DDAH1: variants seen among roughly 807,000 people sequenced by gnomAD.
The protein encoded by DDAH1 is N(G),N(G)-dimethylarginine dimethylaminohydrolase 1.
A neutral mutation model predicts 28.8 loss-of-function variants in DDAH1; 19 were observed. The observed-to-expected ratio is 0.66, with a 90% CI of 0.46 to 0.97. The LOEUF (loss-of-function observed/expected upper bound fraction) is 0.97, where lower values mean the gene tolerates loss of function less well. Among genes scored for constraint, DDAH1 ranks in the 50% least tolerant of loss-of-function variants. DDAH1 has a pLI of 0.00. For synonymous variants in DDAH1, 153 were observed against 154.4 expected (o/e 0.99, Z 0.07); for missense variants, 326 against 375.9 (o/e 0.87, Z 1.10).
At chr1:85,335,329 G>A (rs1002178435) in intron 4 of DDAH1, among the ~76,000 whole-genome samples, 1 of 152,122 alleles carries the variant, frequency 6.6e-6, no homozygotes, top group Admixed American at 6.5e-5. Context: ...GAGTGGCTGA[G>A]TGGATTAAAA....
chr1:85,440,853 A>G (rs1654158408), intron 1 of DDAH1, among the ~76,000 whole-genome samples: 1 of 139,728 alleles, frequency 7.2e-6, no homozygotes, highest in Admixed American at 6.9e-5. Context: ...TATTTCTTCC[A>G]ACTAAAGCTG....
chr1:85,486,000 C>T (rs1389192503), intron 2 of DDAH1, among the ~76,000 whole-genome samples: 2 of 152,274 alleles, frequency 1.3e-5, no homozygotes, highest in Admixed American at 6.5e-5. Context: ...CTGGAAATTT[C>T]ACACTTTAAA....
At chr1:85,327,248 G>T (rs1477057976) in intron 4 of DDAH1, among the ~76,000 whole-genome samples, 1 of 152,164 alleles carries the variant, frequency 6.6e-6, no homozygotes, top group Non-Finnish European at 1.5e-5. Flanking sequence ...GAGGTGGGAA[G>T]ATCATAGAGG....
intron 1 of DDAH1, among the ~76,000 whole-genome samples, chr1:85,543,270 C>T (rs985888746): frequency 3.9e-5 from 6 of 152,194 alleles, no homozygotes; most frequent in Non-Finnish European, 8.8e-5. Flanking sequence ...ATGTTCAACA[C>T]ATTGAAATTT....
rs377681713 is a variant in DDAH1 at position 85,481,630 on chromosome 1, T to C, written c.-7+14536A>G. ...GTAGTAAGATATAGATCTTTTACCA[T>C]GCAGACTGAAATACCTATGTCTTCA... On this transcript the variant is annotated intron_variant, in intron 2 of 6. Transcript: ENST00000426972. 7.9e-4 allele frequency among the ~76,000 whole-genome samples: 121 copies of C among 152,364 alleles called. 1 individual carries two copies. Among genetic ancestry groups the C allele is most frequent in the African/African-American group, 2.9e-3 (119 of 41,590 alleles).
intron 1 of DDAH1, among the ~76,000 whole-genome samples, chr1:85,447,340 A>C (rs542352006): frequency 1.3e-5 from 2 of 152,204 alleles, no homozygotes; most frequent in Non-Finnish European, 2.9e-5. Context: ...AAACATTTTA[A>C]GTTGAGAAAC....
intron 1 of DDAH1, among the ~76,000 whole-genome samples, chr1:85,450,519 T>C (rs1341030648): frequency 1.3e-5 from 2 of 152,228 alleles, no homozygotes; most frequent in Non-Finnish European, 2.9e-5. Context: ...TCATCAAGAA[T>C]AGGCTAGTTA....
intron 1 of DDAH1, among the ~76,000 whole-genome samples, chr1:85,454,856 T>G (rs901963964): frequency 6.6e-6 from 1 of 152,174 alleles, no homozygotes; most frequent in African/African-American, 2.4e-5. Context: ...TTTCTACATT[T>G]GGGGTGACTT....
At chr1:85,339,422 C>T (rs1315189736) in intron 4 of DDAH1, among the ~76,000 whole-genome samples, 2 of 152,008 alleles carry the variant, frequency 1.3e-5, no homozygotes, top group African/African-American at 4.8e-5. Flanking sequence ...AATATGGGGA[C>T]CCAACAGCAG....
intron 1 of DDAH1, among the ~76,000 whole-genome samples, chr1:85,428,734 T>C (rs1653529909): frequency 6.6e-6 from 1 of 152,130 alleles, no homozygotes; most frequent in South Asian, 2.1e-4. Context: ...CATGCCTGTT[T>C]ACTCCTGCTT....
At chr1:85,544,825 C>T (rs1234384017) in intron 1 of DDAH1, among the ~76,000 whole-genome samples, 2 of 152,104 alleles carry the variant, frequency 1.3e-5, no homozygotes, top group African/African-American at 2.4e-5. Flanking sequence ...GGAAGTTTGC[C>T]CTGGTTGAGG....
intron 1 of DDAH1, among the ~76,000 whole-genome samples, chr1:85,562,183 A>C (rs937392888): frequency 3.3e-5 from 5 of 152,202 alleles, no homozygotes; most frequent in African/African-American, 4.8e-5. Context: ...TTAAAAAAAA[A>C]CAGAAAATAT....
intron 1 of DDAH1, among the ~76,000 whole-genome samples, chr1:85,372,919 G>A (rs1278799804): frequency 2.0e-5 from 3 of 152,050 alleles, no homozygotes; most frequent in East Asian, 1.9e-4. Flanking sequence ...AGGAATGTGC[G>A]TGTTATGAAA....
At position 85,319,112 on chromosome 1, in the gene DDAH1, A is replaced by G. The variant is rs1022745195; in HGVS notation, c.*2340T>C. 2 of 152,214 alleles carry G rather than the reference A, an allele frequency of 1.3e-5. No individual in the cohort carries two copies. Among genetic ancestry groups the G allele is most frequent in the African/African-American group, 4.8e-5 (2 of 41,458 alleles). 9.4% of individuals were successfully genotyped at this position (152,214 alleles called of 1,614,324 possible). A position where few individuals can be genotyped will look rare whatever the true frequency, so the allele number is the denominator to read the frequency against. On this transcript the variant is annotated 3_prime_UTR_variant, in exon 6 of 6. Transcript: ENST00000284031. ...GTGATAGTATCTTTCCTTTTCAAAA[A>G]TAACATTATGCTAATGAGAACATCA... is the stretch of plus-strand genomic sequence containing the variant.
intron 1 of DDAH1, among the ~76,000 whole-genome samples, chr1:85,449,681 G>A (rs1433305832): frequency 6.6e-6 from 1 of 152,088 alleles, no homozygotes; most frequent in Non-Finnish European, 1.5e-5. Flanking sequence ...TATAACACTG[G>A]AAGGGGTCTC....
At chr1:85,403,032 C>T (rs1652222011) in intron 1 of DDAH1, among the ~76,000 whole-genome samples, 1 of 151,778 alleles carries the variant, frequency 6.6e-6, no homozygotes, top group East Asian at 1.9e-4. Context: ...GTGTCTGTTC[C>T]AAGTGATAAG....
At chr1:85,531,264 T>TTAA (rs1248503069) in intron 1 of DDAH1, among the ~76,000 whole-genome samples, 1 of 151,976 alleles carries the variant, frequency 6.6e-6, no homozygotes, top group Non-Finnish European at 1.5e-5. Flanking sequence ...TACTACACAT[T>TTAA]TAACCCCATC....
chr1:85,377,726 A>T (rs1650750721), intron 1 of DDAH1, among the ~76,000 whole-genome samples: 1 of 138,728 alleles, frequency 7.2e-6, no homozygotes, highest in African/African-American at 2.7e-5. Context: ...CCACCCCCAT[A>T]CAAGTAGACA....
At chr1:85,566,318 AG>A (rs1659298769) in intron 1 of DDAH1, among the ~76,000 whole-genome samples, 1 of 151,566 alleles carries the variant, frequency 6.6e-6, no homozygotes. Flanking sequence ...TGGGCAATAT[AG>A]TGAGAGCTCA....
Sources: allele counts gnomAD v4.1 joint callset (sites outside exome capture counted in the v4.1 genomes callset), GRCh38; gene constraint gnomAD v4.1.1; transcripts MANE v1.5; gene names NCBI Gene and HGNC (gene_info 2026-07-23, HGNC 2026-07-21).